ENTPD7: variants seen among roughly 807,000 people sequenced by gnomAD.
ENTPD7 encodes the protein ectonucleoside triphosphate diphosphohydrolase 7.
In ENTPD7, 53 loss-of-function variants were observed where a neutral mutation model predicts 77.9. That is an observed-to-expected ratio of 0.68 (90% CI 0.55 to 0.85). The LOEUF (loss-of-function observed/expected upper bound fraction) is 0.85. Ranked by LOEUF, ENTPD7 falls within the 40% of genes least tolerant of loss-of-function variation. The probability of loss-of-function intolerance (pLI) is 0.00; values close to 1 mark genes in which losing one functional copy is unlikely to be tolerated. For missense variants in ENTPD7, 636 were observed against 743.7 expected (o/e 0.86, Z 1.68); for synonymous variants, 248 against 274.9 (o/e 0.90, Z 0.97).
intron 5 of ENTPD7, 147 bp downstream of exon 5, chr10:99,680,022 C>A: frequency 1.0e-6 from 1 of 994,024 alleles, no homozygotes; most frequent in Non-Finnish European, 1.4e-6. Flanking sequence ...TTGTCATTTG[C>A]TGCTTTGGGA....
At chr10:99,688,430 C>T (rs1333709594) in intron 6 of ENTPD7, among the ~76,000 whole-genome samples, 3 of 151,968 alleles carry the variant, frequency 2.0e-5, no homozygotes, top group Non-Finnish European at 2.9e-5. Context: ...TCGATATCTT[C>T]GTGACATTCA....
At chr10:99,695,933 T>C in intron 8 of ENTPD7, 23 bp from the exon 9 acceptor site, 1 of 1,574,198 alleles carries the variant, frequency 6.4e-7, no homozygotes, top group Non-Finnish European at 8.6e-7. Flanking sequence ...AAATTCCCTT[T>C]TTCTCTTGGT....
chr10:99,659,932 G>T lies in ENTPD7; in HGVS notation c.-25G>T. The stretch of plus-strand genomic sequence containing the variant: ...GGGCAAAAGAAAAAGAAGGTGACAG[G>T]CGTTGAGACCACCGAAGGGAACCCA... On this transcript the variant is annotated 5_prime_UTR_variant, in exon 2 of 13. Coordinates refer to ENST00000370489, the MANE Select transcript of ENTPD7 (RefSeq NM_020354.5). The surrounding 1 kb of genome is among the most constrained non-coding windows in gnomAD (Gnocchi z 4.1). 6.2e-7 allele frequency: 1 copy of T among 1,614,002 alleles called. No individual in the cohort carries two copies. The highest frequency in any genetic ancestry group is 8.5e-7 in the Non-Finnish European group (1 of 1,179,974).
rs775699176 is a variant in ENTPD7, at chr10:99,698,859, G to A, written c.1335+1G>A. 2 of 1,587,186 alleles carry A rather than the reference G, an allele frequency of 1.3e-6. No individual in the cohort carries two copies. The highest frequency in any genetic ancestry group is 1.7e-6 in the Non-Finnish European group (2 of 1,166,238). Reference sequence around the variant, plus strand: ...GCCAACATTTGCCAAGGCTGCTCAGGTAAATTATTAATGATAAACATGGCT... The same window carrying A: ...GCCAACATTTGCCAAGGCTGCTCAGATAAATTATTAATGATAAACATGGCT... On this transcript the variant is annotated splice_donor_variant, in intron 10 of 12. Transcript: ENST00000370489. LOFTEE classifies it high-confidence loss of function.
chr10:99,677,847 A>G (rs1445887808), intron 3 of ENTPD7, among the ~76,000 whole-genome samples: 1 of 152,232 alleles, frequency 6.6e-6, no homozygotes, highest in Admixed American at 6.5e-5. Flanking sequence ...CTTGTTTTAC[A>G]GATGAGGAAA....
At chr10:99,666,782 A>G (rs534902674) in intron 3 of ENTPD7, among the ~76,000 whole-genome samples, 1 of 152,366 alleles carries the variant, frequency 6.6e-6, no homozygotes, top group South Asian at 2.1e-4. Context: ...ATTTTATAAT[A>G]AAGTATTGAA....
intron 3 of ENTPD7, among the ~76,000 whole-genome samples, chr10:99,662,681 G>T (rs1023450536): frequency 6.9e-6 from 1 of 145,248 alleles, no homozygotes; most frequent in Non-Finnish European, 1.5e-5. Context: ...AAAGGAGGAG[G>T]CAGGCAAATT....
Position 99,659,639 on chromosome 10 carries a change from A to C in ENTPD7, c.-96+51A>C. 3 of 253,474 alleles carry C rather than the reference A, an allele frequency of 1.2e-5. No individual in the cohort carries two copies. Among genetic ancestry groups the C allele is most frequent in the Admixed American group, 5.5e-5 (1 of 18,232 alleles). The allele number at this position is 253,474 out of a possible 1,614,324, so 15.7% of individuals were successfully genotyped here. ...GGGACCCGGAGGGACGGGGAGAGGAAGCGGGACCCACACCCCGCCACCTGG... is the reference window on the plus strand; with the variant it reads ...GGGACCCGGAGGGACGGGGAGAGGACGCGGGACCCACACCCCGCCACCTGG... On this transcript the variant is annotated intron_variant, in intron 1 of 12. Transcript: ENST00000370489. The surrounding 1 kb of genome is among the most constrained non-coding windows in gnomAD (Gnocchi z 4.1).
At chr10:99,688,933 C>A (rs2035846363) in intron 7 of ENTPD7, among the ~76,000 whole-genome samples, 183 bp downstream of exon 7, 1 of 152,014 alleles carries the variant, frequency 6.6e-6, no homozygotes, top group Non-Finnish European at 1.5e-5. Context: ...TGGAAAGTTT[C>A]AAACATTCAC....
chr10:99,665,841 G>A (rs1056264682), intron 3 of ENTPD7, among the ~76,000 whole-genome samples: 6 of 152,014 alleles, frequency 3.9e-5, no homozygotes, highest in African/African-American at 1.4e-4. Flanking sequence ...TGCCAGCCTC[G>A]ACTTTCTTTT....
Position 99,679,364 on chromosome 10 carries a change from G to C in ENTPD7, c.295G>C (p.Val99Leu), listed in dbSNP as rs200759032. 2.5e-6 allele frequency: 4 copies of C among 1,614,080 alleles called. No individual in the cohort carries two copies. The highest frequency in any genetic ancestry group is 1.7e-5 in the Admixed American group (1 of 60,000). ...DCGSSGSRIF[V>L]YFWPRHNGNP... is the part of the protein sequence containing the mutation. ...TGGCAGCAGTGGTTCCCGGATTTTT[G>C]TTTATTTCTGGCCAAGACATAATGG... The change falls in exon 4 of 13, where the codon GTT becomes CTT. Residue 99 changes from valine (V) to leucine (L), a missense_variant. Coordinates refer to ENST00000370489, the MANE Select transcript of ENTPD7 (RefSeq NM_020354.5).
chr10:99,695,520 C>CA (rs1206082662), intron 8 of ENTPD7, among the ~76,000 whole-genome samples: 99 of 113,850 alleles, frequency 8.7e-4, no homozygotes, highest in Admixed American at 1.6e-3. Flanking sequence ...GACTCTGTCT[C>CA]AAAAAAAAAA....
At chr10:99,688,545 A>C (rs2035841854) in intron 6 of ENTPD7, 149 bp from the exon 7 acceptor site, 1 of 640,350 alleles carries the variant, frequency 1.6e-6, no homozygotes, top group Non-Finnish European at 2.5e-6. Context: ...CACAAGATGA[A>C]AGATTTGAAA....
In ENTPD7 at chr10:99,698,878, C is replaced by T; in HGVS notation, c.1335+20C>T. 1.3e-6 allele frequency: 2 copies of T among 1,570,708 alleles called. No individual in the cohort carries two copies. Among genetic ancestry groups the T allele is most frequent in the Non-Finnish European group, 8.6e-7 (1 of 1,157,866 alleles). ...GCTCAGGTAAATTATTAATGATAAA[C>T]ATGGCTTATGCTGGCAGCAGCCATT... is the stretch of plus-strand genomic sequence containing the variant. On this transcript the variant is annotated intron_variant, in intron 10 of 12. Coordinates refer to ENST00000370489, the MANE Select transcript of ENTPD7 (RefSeq NM_020354.5).
At position 99,686,967 on chromosome 10, in the gene ENTPD7, G is replaced by A. The variant is rs557722956; in HGVS notation, c.652+1072G>A. On this transcript the variant is annotated intron_variant, in intron 6 of 12. Transcript: ENST00000370489. Reference sequence around the variant, plus strand: ...GAGTTGCACTCTTGTTACCAACACTGAGTGCAATGGTGTGATCTCTGCTTA... The same window carrying A: ...GAGTTGCACTCTTGTTACCAACACTAAGTGCAATGGTGTGATCTCTGCTTA... 9.0e-4 allele frequency among the ~76,000 whole-genome samples: 125 copies of A among 138,744 alleles called. 1 individual carries two copies. The highest frequency in any genetic ancestry group is 4.2e-3 in the Middle Eastern group (1 of 240). 91.0% of individuals were successfully genotyped at this position (138,744 alleles called of 152,430 possible). A position where few individuals can be genotyped will look rare whatever the true frequency, so the allele number is the denominator to read the frequency against.
intron 6 of ENTPD7, among the ~76,000 whole-genome samples, chr10:99,686,813 A>C (rs1297881164): frequency 6.7e-6 from 1 of 149,732 alleles, no homozygotes; most frequent in Non-Finnish European, 1.5e-5. Flanking sequence ...TGAATATTAC[A>C]TTATGAGACT....
At chr10:99,684,871 C>T (rs1467817836) in intron 5 of ENTPD7, among the ~76,000 whole-genome samples, 2 of 152,080 alleles carry the variant, frequency 1.3e-5, no homozygotes, top group African/African-American at 2.4e-5. Context: ...TTGTTATGTC[C>T]TCTGGATTTT....
In ENTPD7 at chr10:99,702,554, T is replaced by A. The variant is rs1372200616; in HGVS notation, c.1464T>A (p.His488Gln). The A allele has an allele frequency of 1.2e-6, 2 of 1,610,100 alleles. No individual in the cohort carries two copies. Among genetic ancestry groups the A allele is most frequent in the African/African-American group, 2.7e-5 (2 of 74,848 alleles). ...FKSAWMYQVLHEGFHFPYDYP... is the reference protein window; with the variant it reads ...FKSAWMYQVLQEGFHFPYDYP... ...CGGCTTGGATGTACCAAGTCTTACA[T>A]GAAGGATTCCACTTTCCCTATGACT... The change falls in exon 12 of 13, where the codon CAT (histidine) becomes CAA (glutamine). Residue 488 changes from histidine (H) to glutamine (Q), a missense_variant. By Grantham distance (24) the His-to-Gln change is conservative. This residue lies in a region of ENTPD7 where 138 missense variants were observed against 150.9 expected (regional missense o/e 0.91). Transcript: ENST00000370489.
chr10:99,688,476 T>A (rs1564632265), intron 6 of ENTPD7, among the ~76,000 whole-genome samples: 1 of 152,272 alleles, frequency 6.6e-6, no homozygotes, highest in Non-Finnish European at 1.5e-5. Flanking sequence ...GTTATACAAT[T>A]AATTTCTATT....
Sources: allele counts gnomAD v4.1 joint callset (sites outside exome capture counted in the v4.1 genomes callset), GRCh38; gene constraint gnomAD v4.1.1; regional missense constraint gnomAD v4.1.1; non-coding constraint Gnocchi (gnomAD v3.1); transcripts MANE v1.5; gene names NCBI Gene and HGNC (gene_info 2026-07-23, HGNC 2026-07-21).